Variants in ZBTB20 observed in about 807,000 individuals in gnomAD.
ZBTB20 encodes the protein zinc finger and BTB domain-containing protein 20.
ZBTB20 carries 9 observed loss-of-function variants against 56.9 expected under a neutral mutation model. The observed-to-expected ratio is 0.16, with a 90% CI of 0.10 to 0.28. The LOEUF is 0.28. Among genes scored for constraint, ZBTB20 ranks in the 10% least tolerant of loss-of-function variants. The pLI is 1.00. For missense variants in ZBTB20, 655 were observed against 1,003.0 expected, an observed-to-expected ratio of 0.65 and a Z score of 4.69; for synonymous variants, 417 against 420.7, an observed-to-expected ratio of 0.99 and a Z score of 0.11.
chr3:114,937,712 C>T (rs1434672542), intron 3 of ZBTB20, among the ~76,000 whole-genome samples: 1 of 152,106 alleles, frequency 6.6e-6, no homozygotes, highest in Non-Finnish European at 1.5e-5. Flanking sequence ...TGAGCCACTG[C>T]GGCCAGCCGT....
At chr3:114,384,585 C>G (rs2084856710) in intron 8 of ZBTB20, among the ~76,000 whole-genome samples, 1 of 152,188 alleles carries the variant, frequency 6.6e-6, no homozygotes, top group Non-Finnish European at 1.5e-5. Context: ...ATTTTCATCT[C>G]CTCACTGCAA....
intron 3 of ZBTB20, among the ~76,000 whole-genome samples, chr3:114,959,751 A>ACACT (rs1491061999): frequency 6.8e-6 from 1 of 146,726 alleles, no homozygotes; most frequent in Non-Finnish European, 1.5e-5. Context: ...ACACACACAC[A>ACACT]CTTGGAGACT....
chr3:114,433,745 A>G (rs1185773440), intron 7 of ZBTB20, among the ~76,000 whole-genome samples: 1 of 152,194 alleles, frequency 6.6e-6, no homozygotes, highest in African/African-American at 2.4e-5. Flanking sequence ...ATAAGACAGT[A>G]TGTAATCAGT....
intron 6 of ZBTB20, among the ~76,000 whole-genome samples, chr3:114,501,959 T>G (rs2044041857): frequency 1.3e-5 from 2 of 152,096 alleles, no homozygotes; most frequent in South Asian, 4.2e-4. Flanking sequence ...CCACCCACCT[T>G]GGCCTCCCAA....
At chr3:114,744,040 T>C (rs1004096497) in intron 5 of ZBTB20, among the ~76,000 whole-genome samples, 7 of 152,204 alleles carry the variant, frequency 4.6e-5, no homozygotes, top group African/African-American at 1.7e-4. Context: ...GAACTTGATT[T>C]TTATTCAATC....
chr3:115,117,951 C>G (rs879559503), intron 1 of ZBTB20, among the ~76,000 whole-genome samples: 4 of 152,114 alleles, frequency 2.6e-5, no homozygotes, highest in Non-Finnish European at 5.9e-5. Flanking sequence ...GTAGAAAGAA[C>G]GTGGCTTTTA....
intron 7 of ZBTB20, among the ~76,000 whole-genome samples, chr3:114,439,414 A>C (rs2090758110): frequency 6.6e-6 from 1 of 152,102 alleles, no homozygotes; most frequent in Non-Finnish European, 1.5e-5. Flanking sequence ...TTTCACCAAC[A>C]GTATGCTTTC....
At chr3:114,574,394 T>C (rs887380301) in intron 6 of ZBTB20, among the ~76,000 whole-genome samples, 2 of 152,224 alleles carry the variant, frequency 1.3e-5, no homozygotes, top group African/African-American at 4.8e-5. Flanking sequence ...TGTCAATATA[T>C]AGATATCCAC....
intron 4 of ZBTB20, among the ~76,000 whole-genome samples, chr3:114,884,991 G>A (rs1429751593): frequency 2.0e-5 from 3 of 152,166 alleles, no homozygotes; most frequent in African/African-American, 7.2e-5. Flanking sequence ...ACTTAGTTCT[G>A]CTTTCAGAAA....
At chr3:114,985,550 G>C (rs1245765605) in intron 2 of ZBTB20, among the ~76,000 whole-genome samples, 1 of 152,036 alleles carries the variant, frequency 6.6e-6, no homozygotes, top group Non-Finnish European at 1.5e-5. Context: ...TTAAACTTTT[G>C]ATATGTCATT....
intron 6 of ZBTB20, among the ~76,000 whole-genome samples, chr3:114,622,681 G>A (rs2058399947): frequency 6.6e-6 from 1 of 152,148 alleles, no homozygotes; most frequent in Non-Finnish European, 1.5e-5. Context: ...CCAAAGCTGA[G>A]TACCAATGTA....
At chr3:114,873,360 G>T (rs1207742660) in intron 4 of ZBTB20, among the ~76,000 whole-genome samples, 1 of 152,122 alleles carries the variant, frequency 6.6e-6, no homozygotes, top group African/African-American at 2.4e-5. Flanking sequence ...TAAAGTGGGT[G>T]CAAGCATGTA....
chr3:114,795,925 T>G (rs1332276647), intron 5 of ZBTB20, among the ~76,000 whole-genome samples: 3 of 152,064 alleles, frequency 2.0e-5, no homozygotes, highest in Non-Finnish European at 4.4e-5. Flanking sequence ...AAAATTTTGT[T>G]TTCTAGTAAA....
intron 2 of ZBTB20, among the ~76,000 whole-genome samples, chr3:115,000,895 T>C (rs1011989512): frequency 2.0e-5 from 3 of 151,368 alleles, no homozygotes; most frequent in African/African-American, 7.3e-5. Flanking sequence ...TCCCAAAAGC[T>C]CTGGCACAGG....
intron 3 of ZBTB20, among the ~76,000 whole-genome samples, chr3:114,903,993 G>A (rs2075227206): frequency 6.6e-6 from 1 of 152,046 alleles, no homozygotes; most frequent in South Asian, 2.1e-4. Flanking sequence ...GGACAGCACA[G>A]ATCCTGAGTT....
chr3:114,404,788 G>A (rs879339604), intron 7 of ZBTB20, among the ~76,000 whole-genome samples: 3 of 152,054 alleles, frequency 2.0e-5, no homozygotes, highest in East Asian at 1.9e-4. Context: ...CCCATGACTC[G>A]CTCTTTTCCA....
At chr3:114,568,238 T>G (rs936774666) in intron 6 of ZBTB20, among the ~76,000 whole-genome samples, 11 of 152,182 alleles carry the variant, frequency 7.2e-5, no homozygotes, top group African/African-American at 2.7e-4. Flanking sequence ...ATAAGGCTGC[T>G]TGAAGTATGC....
At chr3:114,904,396 C>A (rs2075244412) in intron 3 of ZBTB20, 1 of 151,946 alleles carries the variant, frequency 6.6e-6, no homozygotes, top group Non-Finnish European at 1.5e-5. Flanking sequence ...GAATTTCACC[C>A]ATGACTGAGG....
At position 114,328,512 on chromosome 3, in the gene ZBTB20, A is replaced by C. The variant is rs558579633; in HGVS notation, c.*10493T>G. Reference sequence around the variant, plus strand: ...GAACACTGTGGTATTTAAAAAAAAAACAGAAAATATTTTTCTCTTCATTTT... The same window carrying C: ...GAACACTGTGGTATTTAAAAAAAAACCAGAAAATATTTTTCTCTTCATTTT... On this transcript the variant is annotated 3_prime_UTR_variant, in exon 12 of 12. Transcript: ENST00000675478. 1.3e-4 allele frequency: 20 copies of C among 152,046 alleles called. No individual in the cohort carries two copies. Among genetic ancestry groups the C allele is most frequent in the East Asian group, 3.9e-4 (2 of 5,190 alleles). The allele number at this position is 152,046 out of a possible 1,614,324, so 9.4% of individuals were successfully genotyped here.
Sources: gnomAD v4.1 joint callset for allele counts (sites outside exome capture counted in the v4.1 genomes callset) on GRCh38, gnomAD v4.1.1 for gene constraint, MANE v1.5 for transcripts, NCBI Gene and HGNC (gene_info 2026-07-23, HGNC 2026-07-21) for gene names.